Variants in NKIRAS1 observed in about 807,000 individuals in gnomAD.
NKIRAS1 encodes NF-kappa-B inhibitor-interacting Ras-like protein 1.
Under a neutral mutation model 19.8 loss-of-function variants are expected in NKIRAS1, and 16 were observed. That is an observed-to-expected ratio of 0.81 (90% confidence interval 0.55 to 1.23). The LOEUF (loss-of-function observed/expected upper bound fraction) is 1.23. NKIRAS1 is among the 50% of genes most tolerant of loss of function. The probability of loss-of-function intolerance (pLI) is 0.00; values close to 1 mark genes in which losing one functional copy is unlikely to be tolerated. For synonymous variants in NKIRAS1, 88 were observed against 79.0 expected (o/e 1.11, Z -0.61); for missense variants, 184 against 220.0 (o/e 0.84, Z 1.04).
chr3:23,921,763 CTG>C (rs753887770), upstream of NKIRAS1: 12 of 598,112 alleles, frequency 2.0e-5, no homozygotes, highest in Non-Finnish European at 3.5e-5. Context: ...TTAGTAGAGA[CTG>C]GGTTTCACTA....
At chr3:23,903,718 A>G (rs1474204467) in intron 3 of NKIRAS1, among the ~76,000 whole-genome samples, 2 of 152,244 alleles carry the variant, frequency 1.3e-5, no homozygotes, top group Non-Finnish European at 2.9e-5. Flanking sequence ...AGAAAATTCA[A>G]GGACTAGTCC....
At chr3:23,933,577 C>T (rs1705349035) in intron 1 of NKIRAS1, among the ~76,000 whole-genome samples, 1 of 152,200 alleles carries the variant, frequency 6.6e-6, no homozygotes. Flanking sequence ...CCTTATATCA[C>T]ATATGGGGTT....
chr3:23,945,836 A>G (rs1245168626), intron 1 of NKIRAS1, among the ~76,000 whole-genome samples: 1 of 149,596 alleles, frequency 6.7e-6, no homozygotes, highest in Non-Finnish European at 1.5e-5. Context: ...CCCCCCCCTC[A>G]CATGGCCCGG....
rs961370538 is a variant in NKIRAS1 at position 23,926,601 on chromosome 3, T to G, written c.-139-15151A>C. Among the ~76,000 whole-genome samples the G allele has an allele frequency of 6.6e-6, 1 of 152,190 alleles. No homozygotes were observed. The highest frequency in any genetic ancestry group is 1.5e-5 in the Non-Finnish European group (1 of 68,040). On this transcript the variant is annotated intron_variant, in intron 1 of 4. Coordinates refer to the NKIRAS1 transcript ENST00000421515. This position sits in a 1 kb window ranked among gnomAD's most constrained non-coding sequence, Gnocchi z 4.3. ...AAAAGTTTGATGTATAGATTTCATA[T>G]GAGAATAGTATTTGTTGCTATAGAT...
At chr3:23,904,951 T>C (rs1487528515) in intron 3 of NKIRAS1, among the ~76,000 whole-genome samples, 3 of 152,158 alleles carry the variant, frequency 2.0e-5, no homozygotes, top group Non-Finnish European at 2.9e-5. Flanking sequence ...GTTACATCAA[T>C]GAAAAGTAAA....
rs545620312 is a variant in NKIRAS1 at position 23,904,551 on chromosome 3, T to C, written c.95-3502A>G. Among the ~76,000 whole-genome samples, 55 of 152,336 alleles carry C rather than the reference T, an allele frequency of 3.6e-4. 1 individual carries two copies. In the South Asian group the frequency reaches 0.01, roughly 28 times the overall value. On this transcript the variant is annotated intron_variant, in intron 3 of 4. Transcript: ENST00000425478. ...GCCCTCATGATTTAATCACCTCTTA[T>C]AGGCCACAGTGCTTAATACTGTTAC...
Position 23,910,912 on chromosome 3 carries a change from C to T in NKIRAS1, c.-8G>A. On this transcript the variant is annotated 5_prime_UTR_variant, in exon 3 of 5. Transcript: ENST00000425478. ...CTTGCAGCCCTTTCCCATCTTCTCT[C>T]AGGATATCACTGTGGAGAGAATAAC... 1 of 1,612,132 alleles carries T rather than the reference C, an allele frequency of 6.2e-7. No individual in the cohort carries two copies. The highest frequency in any genetic ancestry group is 8.5e-7 in the Non-Finnish European group (1 of 1,178,198).
At chr3:23,912,503 G>A (rs545314960) in intron 1 of NKIRAS1, among the ~76,000 whole-genome samples, 34 of 152,232 alleles carry the variant, frequency 2.2e-4, no homozygotes, top group Non-Finnish European at 3.8e-4. Flanking sequence ...ACCATCTCAC[G>A]CCAATTAGAA....
At chr3:23,929,574 G>A (rs1705270739) in intron 1 of NKIRAS1, among the ~76,000 whole-genome samples, 1 of 151,764 alleles carries the variant, frequency 6.6e-6, no homozygotes, top group Non-Finnish European at 1.5e-5. Context: ...CTAGAGTTAT[G>A]TGCCACCAGA....
intron 1 of NKIRAS1, among the ~76,000 whole-genome samples, chr3:23,932,836 C>T (rs564028974): frequency 1.3e-5 from 2 of 152,222 alleles, no homozygotes; most frequent in East Asian, 3.9e-4. Flanking sequence ...TGCTTGATTT[C>T]TCTATGCTGG....
intron 1 of NKIRAS1, among the ~76,000 whole-genome samples, chr3:23,939,418 G>C (rs1409306038): frequency 6.6e-6 from 1 of 152,144 alleles, no homozygotes; most frequent in Non-Finnish European, 1.5e-5. Flanking sequence ...GACTGATCAA[G>C]AAAGAAAAAG....
chr3:23,913,380 A>C (rs1054971789), intron 1 of NKIRAS1, among the ~76,000 whole-genome samples: 1 of 152,174 alleles, frequency 6.6e-6, no homozygotes, highest in African/African-American at 2.4e-5. Context: ...AAAAGAAAAC[A>C]AAGATGAAAA....
chr3:23,942,045 C>T (rs1705510935), intron 1 of NKIRAS1, among the ~76,000 whole-genome samples: 1 of 151,938 alleles, frequency 6.6e-6, no homozygotes, highest in African/African-American at 2.4e-5. Flanking sequence ...GTGGCATGAT[C>T]TCAGCTTACG....
chr3:23,893,268 G>A lies in NKIRAS1; in HGVS notation c.406C>T (p.Gln136Ter), dbSNP rs775297949. 3 of 1,614,086 alleles carry A rather than the reference G, an allele frequency of 1.9e-6. No individual in the cohort carries two copies. The highest frequency in any genetic ancestry group is 1.1e-5 in the South Asian group (1 of 91,084). Reference protein sequence around the residue: ...EQRQVDAEVAQQWAKSEKVRL... With the variant: ...EQRQVDAEVA The stretch of plus-strand genomic sequence containing the variant: ...ACTTTCTCACTTTTTGCCCACTGCT[G>A]TGCCACTTCAGCGTCCACTTGTCTC... Residue 136 changes from glutamine (Q) to a stop codon, truncating the protein, a stop_gained, in exon 5 of 5, where the codon CAG becomes TAG. Transcript: ENST00000425478. LOFTEE classifies it high-confidence loss of function.
chr3:23,894,103 G>A (rs914449415), intron 4 of NKIRAS1, among the ~76,000 whole-genome samples: 2 of 152,074 alleles, frequency 1.3e-5, no homozygotes, highest in African/African-American at 4.8e-5. Flanking sequence ...AAATGTATGG[G>A]CCAAAAACAA....
intron 1 of NKIRAS1, among the ~76,000 whole-genome samples, chr3:23,911,848 C>T (rs1267089613): frequency 3.3e-5 from 5 of 151,198 alleles, no homozygotes; most frequent in South Asian, 2.1e-4. Context: ...CTGCAACCTC[C>T]GCTTCCCAAG....
chr3:23,904,203 G>T (rs916003886), intron 3 of NKIRAS1, among the ~76,000 whole-genome samples: 1 of 152,200 alleles, frequency 6.6e-6, no homozygotes, highest in Non-Finnish European at 1.5e-5. Flanking sequence ...TGAAATTTCA[G>T]AACACTGGTG....
intron 1 of NKIRAS1, among the ~76,000 whole-genome samples, chr3:23,932,875 CA>C (rs752305227): frequency 3.3e-5 from 5 of 152,070 alleles, no homozygotes; most frequent in Non-Finnish European, 5.9e-5. Flanking sequence ...TTAATAGAAT[CA>C]CTCCATATGT....
chr3:23,944,534 T>G (rs867511487), intron 1 of NKIRAS1, among the ~76,000 whole-genome samples: 97 of 152,280 alleles, frequency 6.4e-4, no homozygotes, highest in African/African-American at 2.1e-3. Context: ...TTTCTTTTGA[T>G]CTAAAATTTA....
Sources: allele counts gnomAD v4.1 joint callset (sites outside exome capture counted in the v4.1 genomes callset), GRCh38; gene constraint gnomAD v4.1.1; non-coding constraint Gnocchi (gnomAD v3.1); transcripts MANE v1.5; gene names NCBI Gene and HGNC (gene_info 2026-07-23, HGNC 2026-07-21).